CNTNAP2: variants seen among roughly 807,000 people sequenced by gnomAD.
CNTNAP2 encodes contactin associated protein 2, also known as contactin-associated protein-like 2.
In CNTNAP2, 98 loss-of-function variants were observed where a neutral mutation model predicts 155.2. The observed-to-expected ratio is 0.63, with a 90% CI of 0.54 to 0.75. The LOEUF (loss-of-function observed/expected upper bound fraction) is 0.75. Ranked by LOEUF, CNTNAP2 falls within the 30% of genes least tolerant of loss-of-function variation. The pLI, the probability that CNTNAP2 is intolerant of heterozygous loss-of-function variation, is 0.00. For missense variants in CNTNAP2, 1,727 were observed against 1,688.1 expected (o/e 1.02, Z -0.40); for synonymous variants, 651 against 631.2 (o/e 1.03, Z -0.47).
chr7:146,763,453 AT>A (rs1019655426), intron 1 of CNTNAP2, among the ~76,000 whole-genome samples: 7 of 151,822 alleles, frequency 4.6e-5, no homozygotes, highest in Non-Finnish European at 8.8e-5. Context: ...AATACTGTGT[AT>A]TTTTTTTATT....
chr7:147,326,801 C>G, intron 9 of CNTNAP2, among the ~76,000 whole-genome samples: 1 of 152,196 alleles, frequency 6.6e-6, no homozygotes, highest in East Asian at 1.9e-4. Context: ...TGAATGTTTC[C>G]TGTCCTCACT....
intron 13 of CNTNAP2, among the ~76,000 whole-genome samples, chr7:147,780,426 T>G (rs1383517825): frequency 6.6e-6 from 1 of 152,208 alleles, no homozygotes; most frequent in Non-Finnish European, 1.5e-5. Context: ...GTTTTAATAT[T>G]ATAAGAATAT....
chr7:147,300,168 A>G lies in CNTNAP2; in HGVS notation c.1376A>G (p.His459Arg). 6.2e-7 allele frequency: 1 copy of G among 1,614,040 alleles called. No individual in the cohort carries two copies. Among genetic ancestry groups the G allele is most frequent in the East Asian group, 2.2e-5 (1 of 44,868 alleles). Residue 459 changes from histidine (H) to arginine (R), a missense_variant, in exon 9 of 24, where the codon CAC (histidine) becomes CGC (arginine). Transcript: ENST00000361727. ...SGSGLNDGQW[H>R]EVRFLAKENF... ...TCTGGGTTGAATGATGGACAGTGGC[A>G]CGAGGTTCGCTTCCTAGCCAAGGAA...
At chr7:146,187,792 T>C (rs1798645188) in intron 1 of CNTNAP2, among the ~76,000 whole-genome samples, 1 of 152,146 alleles carries the variant, frequency 6.6e-6, no homozygotes, top group South Asian at 2.1e-4. Flanking sequence ...TATGGCCACA[T>C]TTTCTGCCTT....
chr7:146,203,862 T>C (rs1306214680), intron 1 of CNTNAP2, among the ~76,000 whole-genome samples: 1 of 152,070 alleles, frequency 6.6e-6, no homozygotes, highest in Non-Finnish European at 1.5e-5. Context: ...AGAACAAATA[T>C]ATATATAATA....
At chr7:146,357,508 G>A (rs1290205255) in intron 1 of CNTNAP2, among the ~76,000 whole-genome samples, 1 of 151,982 alleles carries the variant, frequency 6.6e-6, no homozygotes, top group Non-Finnish European at 1.5e-5. Flanking sequence ...ATATACTCTT[G>A]TCCCTCATTA....
chr7:146,770,918 G>T lies in CNTNAP2; in HGVS notation c.98-3353G>T, dbSNP rs536030526. The stretch of plus-strand genomic sequence containing the variant: ...TATTCACTCTTAGAAAATGTGTCAT[G>T]CATTATTATCAAGTATGAGCTAGCC... On this transcript the variant is annotated intron_variant, in intron 1 of 23. Coordinates refer to ENST00000361727, the MANE Select transcript of CNTNAP2 (RefSeq NM_014141.6). Among the ~76,000 whole-genome samples the T allele has an allele frequency of 2.0e-5, 3 of 152,198 alleles. No individual in the cohort carries two copies. In the South Asian group the frequency reaches 6.2e-4, roughly 32 times the overall value.
chr7:147,570,196 C>T (rs1241196120), intron 12 of CNTNAP2, among the ~76,000 whole-genome samples: 2 of 152,142 alleles, frequency 1.3e-5, no homozygotes, highest in Non-Finnish European at 2.9e-5. Context: ...GTAAAGAAGC[C>T]CGGTCCCATT....
At chr7:148,334,117 A>G (rs1270618397) in intron 21 of CNTNAP2, among the ~76,000 whole-genome samples, 1 of 152,204 alleles carries the variant, frequency 6.6e-6, no homozygotes, top group Non-Finnish European at 1.5e-5. Context: ...GTACATCCCC[A>G]TCCTAATGAA....
intron 1 of CNTNAP2, among the ~76,000 whole-genome samples, chr7:146,211,971 C>G (rs552671403): frequency 6.6e-6 from 1 of 152,144 alleles, no homozygotes; most frequent in Admixed American, 6.5e-5. Context: ...CTTTTCTGGT[C>G]TGTAGAAACT....
chr7:146,339,307 A>T (rs1487830660), intron 1 of CNTNAP2, among the ~76,000 whole-genome samples: 1 of 152,150 alleles, frequency 6.6e-6, no homozygotes, highest in Non-Finnish European at 1.5e-5. Context: ...CTTGCAGAGG[A>T]ATAAATTCTG....
At chr7:146,367,833 G>A (rs933798938) in intron 1 of CNTNAP2, among the ~76,000 whole-genome samples, 1 of 151,898 alleles carries the variant, frequency 6.6e-6, no homozygotes, top group African/African-American at 2.4e-5. Context: ...ATCAATATAT[G>A]AGGAGATAAA....
intron 10 of CNTNAP2, among the ~76,000 whole-genome samples, chr7:147,437,051 C>T (rs181328478): frequency 9.2e-5 from 14 of 151,832 alleles, no homozygotes; most frequent in African/African-American, 2.9e-4. Context: ...TTTAGTCCAG[C>T]TGAGGGAACT....
At chr7:147,241,196 G>A (rs1803929038) in intron 8 of CNTNAP2, among the ~76,000 whole-genome samples, 2 of 152,194 alleles carry the variant, frequency 1.3e-5, no homozygotes, top group Middle Eastern at 3.2e-3. Flanking sequence ...CATGGAGGCA[G>A]CTACTGTCTT....
intron 12 of CNTNAP2, among the ~76,000 whole-genome samples, chr7:147,572,827 T>G (rs1202856181): frequency 6.6e-6 from 1 of 152,096 alleles, no homozygotes; most frequent in Non-Finnish European, 1.5e-5. Flanking sequence ...AACTAGGAAT[T>G]TCTCTCTTCC....
intron 1 of CNTNAP2, among the ~76,000 whole-genome samples, chr7:146,735,174 A>T (rs1221041082): frequency 6.6e-6 from 1 of 152,188 alleles, no homozygotes; most frequent in African/African-American, 2.4e-5. Flanking sequence ...TTGTAATTTT[A>T]CCATTCAGTG....
chr7:147,409,264 G>T (rs142375926), intron 10 of CNTNAP2, among the ~76,000 whole-genome samples: 3 of 152,166 alleles, frequency 2.0e-5, no homozygotes, highest in Non-Finnish European at 4.4e-5. Context: ...AGAACGATCT[G>T]ATCTTTGACA....
intron 12 of CNTNAP2, among the ~76,000 whole-genome samples, chr7:147,580,362 G>A (rs1800475284): frequency 1.3e-5 from 2 of 152,064 alleles, no homozygotes; most frequent in Admixed American, 6.6e-5. Context: ...TTCAGGTAAT[G>A]GCTATTACAC....
chr7:147,681,361 T>C (rs867204580), intron 13 of CNTNAP2, among the ~76,000 whole-genome samples: 3 of 152,062 alleles, frequency 2.0e-5, no homozygotes, highest in Middle Eastern at 6.8e-3. Flanking sequence ...TTAAACTCAG[T>C]GGGTCACTTT....
Sources: allele counts gnomAD v4.1 joint callset (sites outside exome capture counted in the v4.1 genomes callset), GRCh38; gene constraint gnomAD v4.1.1; transcripts MANE v1.5; gene names NCBI Gene and HGNC (gene_info 2026-07-23, HGNC 2026-07-21).